Variants in TSPAN11 observed in about 807,000 individuals in gnomAD.
The protein encoded by TSPAN11 is tetraspanin 11.
TSPAN11 carries 29 observed loss-of-function variants against 32.9 expected under a neutral mutation model. That is an observed-to-expected ratio of 0.88 (90% CI 0.66 to 1.20). The LOEUF (loss-of-function observed/expected upper bound fraction) is 1.20. Among genes scored for constraint, TSPAN11 ranks in the 50% most tolerant of loss-of-function variants. The pLI is 0.00. For synonymous variants in TSPAN11, 140 were observed against 141.3 expected (o/e 0.99, Z 0.07); for missense variants, 283 against 329.1 (o/e 0.86, Z 1.08).
At chr12:30,979,457 C>T (rs1939042424) in intron 4 of TSPAN11, 109 bp from the exon 5 acceptor site, 2 of 957,832 alleles carry the variant, frequency 2.1e-6, no homozygotes, top group Non-Finnish European at 3.3e-6. Flanking sequence ...ACACCATCCA[C>T]AGTCCGCAGT....
At chr12:30,974,745 G>A (rs1938925685) in intron 3 of TSPAN11, among the ~76,000 whole-genome samples, 1 of 152,240 alleles carries the variant, frequency 6.6e-6, no homozygotes, top group African/African-American at 2.4e-5. Context: ...TGAAGCAAGA[G>A]CAGTGCTACG....
the TSPAN11 span, among the ~76,000 whole-genome samples, chr12:31,011,225 C>G: frequency 6.6e-6 from 1 of 152,176 alleles, no homozygotes; most frequent in Non-Finnish European, 1.5e-5. Flanking sequence ...GAAACCCCAT[C>G]TCTACTGAAA....
chr12:30,950,481 G>A (rs1003483560), intron 1 of TSPAN11, among the ~76,000 whole-genome samples: 8 of 152,198 alleles, frequency 5.3e-5, no homozygotes, highest in Non-Finnish European at 4.4e-5. Flanking sequence ...ATTGTCTCTG[G>A]TCTTGCTGTG....
At chr12:30,939,798 T>C (rs890156394) in intron 1 of TSPAN11, among the ~76,000 whole-genome samples, 10 of 152,190 alleles carry the variant, frequency 6.6e-5, no homozygotes, top group African/African-American at 2.4e-4. Context: ...GCTGTGGGTT[T>C]CTTCTGAGGT....
intron 7 of TSPAN11, among the ~76,000 whole-genome samples, 161 bp downstream of exon 7, chr12:30,983,311 C>A (rs1429958246): frequency 6.6e-6 from 1 of 152,190 alleles, no homozygotes; most frequent in Non-Finnish European, 1.5e-5. Context: ...GCAACCAAGG[C>A]TGAATCCCAC....
At chr12:30,953,221 A>G (rs937777424) in intron 1 of TSPAN11, among the ~76,000 whole-genome samples, 1 of 152,250 alleles carries the variant, frequency 6.6e-6, no homozygotes, top group Non-Finnish European at 1.5e-5. Context: ...GCCAAGGACT[A>G]TGTTAAACAC....
chr12:30,969,143 C>T (rs543530752), intron 3 of TSPAN11, among the ~76,000 whole-genome samples: 1 of 152,330 alleles, frequency 6.6e-6, no homozygotes, highest in Admixed American at 6.5e-5. Flanking sequence ...AAGAGTTATT[C>T]TGAGGGCCAT....
intron 1 of TSPAN11, among the ~76,000 whole-genome samples, chr12:30,945,266 G>A (rs969041984): frequency 1.3e-5 from 2 of 151,870 alleles, no homozygotes; most frequent in African/African-American, 4.8e-5. Context: ...TCTTGAAAGC[G>A]CTCCCCAGTG....
chr12:30,984,629 G>GCTCA (rs1396801797), intron 7 of TSPAN11, among the ~76,000 whole-genome samples: 2 of 133,204 alleles, frequency 1.5e-5, no homozygotes, highest in Non-Finnish European at 3.0e-5. Flanking sequence ...TGCCACCTCA[G>GCTCA]CTCACTGCAA....
intron 3 of TSPAN11, among the ~76,000 whole-genome samples, chr12:30,968,923 A>T (rs1164864423): frequency 6.6e-6 from 1 of 152,140 alleles, no homozygotes; most frequent in Non-Finnish European, 1.5e-5. Flanking sequence ...TTGCTCTGGG[A>T]CCTCGGGTAA....
intron 3 of TSPAN11, among the ~76,000 whole-genome samples, chr12:30,966,066 G>A (rs1002082913): frequency 5.4e-5 from 8 of 148,766 alleles, no homozygotes; most frequent in African/African-American, 2.5e-5. Flanking sequence ...TGTGTTTTAT[G>A]TGTGGCCCAG....
chr12:30,976,842 C>T (rs1229108537), intron 3 of TSPAN11, among the ~76,000 whole-genome samples: 1 of 152,236 alleles, frequency 6.6e-6, no homozygotes, highest in Non-Finnish European at 1.5e-5. Flanking sequence ...CCTCTCCACA[C>T]ACCTCCCATC....
chr12:30,946,622 T>A (rs944515837), intron 1 of TSPAN11, among the ~76,000 whole-genome samples: 1 of 152,168 alleles, frequency 6.6e-6, no homozygotes, highest in Non-Finnish European at 1.5e-5. Context: ...GCTCTGGGGA[T>A]CTGGGAAGGT....
In TSPAN11 at chr12:30,982,566, G is replaced by A. The variant is rs749584910; in HGVS notation, c.491G>A (p.Trp164Ter). 6.2e-7 allele frequency: 1 copy of A among 1,612,144 alleles called. No individual in the cohort carries two copies. Among genetic ancestry groups the A allele is most frequent in the Non-Finnish European group, 8.5e-7 (1 of 1,178,936 alleles). Reference sequence around the variant, plus strand: ...TGTGGAAGCAACAGCTCAGCCGACTGGCAGCACAGCACGTACATCCTGTTG... The same window carrying A: ...TGTGGAAGCAACAGCTCAGCCGACTAGCAGCACAGCACGTACATCCTGTTG... ...KCCGSNSSAD[W>*]QHSTYILLRE... The change falls in exon 6 of 8, where the codon TGG becomes TAG. Residue 164 changes from tryptophan (W) to a stop codon, truncating the protein, a stop_gained. Transcript: ENST00000546076. LOFTEE classifies it high-confidence loss of function.
chr12:30,978,382 G>T, intron 3 of TSPAN11, 179 bp from the exon 4 acceptor site: 1 of 632,816 alleles, frequency 1.6e-6, no homozygotes, highest in Non-Finnish European at 2.8e-6. Context: ...ACCAAAGAGG[G>T]AAGGAGTAAG....
At chr12:30,932,299 T>C (rs1467084170) in intron 1 of TSPAN11, among the ~76,000 whole-genome samples, 1 of 152,230 alleles carries the variant, frequency 6.6e-6, no homozygotes, top group Admixed American at 6.5e-5. Flanking sequence ...GTATGAATTT[T>C]ACTGTTCATC....
chr12:31,012,976 C>T, the TSPAN11 span, among the ~76,000 whole-genome samples: 1 of 152,222 alleles, frequency 6.6e-6, no homozygotes, highest in East Asian at 1.9e-4. Context: ...GTTTACTGTA[C>T]TATCCACGTG....
At chr12:30,934,759 C>T (rs1012490796) in intron 1 of TSPAN11, among the ~76,000 whole-genome samples, 1 of 151,944 alleles carries the variant, frequency 6.6e-6, no homozygotes, top group African/African-American at 2.4e-5. Context: ...CATTAGACAC[C>T]CCTGCTCTAC....
chr12:30,958,805 A>G (rs1220444200), intron 2 of TSPAN11, among the ~76,000 whole-genome samples: 1 of 152,120 alleles, frequency 6.6e-6, no homozygotes, highest in Admixed American at 6.5e-5. Context: ...AGTGTCAGGC[A>G]TGGGTCCCTT....
Sources: gnomAD v4.1 joint callset for allele counts (sites outside exome capture counted in the v4.1 genomes callset) on GRCh38, gnomAD v4.1.1 for gene constraint, MANE v1.5 for transcripts, NCBI Gene and HGNC (gene_info 2026-07-23, HGNC 2026-07-21) for gene names.